The following NRG1 variants were observed in gnomAD, a reference collection of about 807,000 sequenced individuals.
NRG1 encodes neuregulin 1.
In NRG1, 18 loss-of-function variants were observed where a neutral mutation model predicts 63.8. The ratio of observed to expected loss-of-function variants is 0.28; its 90% confidence interval spans 0.19 to 0.42. The LOEUF (loss-of-function observed/expected upper bound fraction) is 0.42. Among genes scored for constraint, NRG1 ranks in the 10% least tolerant of loss-of-function variants. The probability of loss-of-function intolerance (pLI) is 1.00; values close to 1 mark genes in which losing one functional copy is unlikely to be tolerated. For missense variants in NRG1, 762 were observed against 814.7 expected (o/e 0.94, Z 0.79); for synonymous variants, 302 against 301.3 (o/e 1.00, Z -0.02).
chr8:32,036,195 A>G (rs1819030224), intron 1 of NRG1, among the ~76,000 whole-genome samples: 1 of 152,150 alleles, frequency 6.6e-6, no homozygotes, highest in Non-Finnish European at 1.5e-5. Flanking sequence ...TATGAAGCTT[A>G]GTTTGACCAG....
At chr8:32,541,255 G>A (rs1364542113) in intron 1 of NRG1, among the ~76,000 whole-genome samples, 1 of 152,050 alleles carries the variant, frequency 6.6e-6, no homozygotes, top group Non-Finnish European at 1.5e-5. Flanking sequence ...AACATGAGGA[G>A]GAACTGAAGA....
chr8:32,772,905 G>C (rs1831901142), downstream of NRG1, among the ~76,000 whole-genome samples: 1 of 152,062 alleles, frequency 6.6e-6, no homozygotes, highest in Non-Finnish European at 1.5e-5. Flanking sequence ...AGATGATTCT[G>C]CCCTCACTCA....
chr8:31,986,993 C>T (rs1463736941), intron 1 of NRG1, among the ~76,000 whole-genome samples: 1 of 151,992 alleles, frequency 6.6e-6, no homozygotes, highest in African/African-American at 2.4e-5. Context: ...TAAAATAAGT[C>T]TGGCAGTTAA....
At chr8:32,521,734 TAAAGA>T (rs1174638419) in intron 1 of NRG1, among the ~76,000 whole-genome samples, 1 of 152,154 alleles carries the variant, frequency 6.6e-6, no homozygotes. Context: ...TAGCTATTCT[TAAAGA>T]AAGAGAAAAA....
chr8:32,754,480 C>A lies in NRG1; in HGVS notation c.794+6C>A. The A allele has an allele frequency of 6.2e-7, 1 of 1,612,856 alleles. No individual in the cohort carries two copies. The highest frequency in any genetic ancestry group is 8.5e-7 in the Non-Finnish European group (1 of 1,179,264). ...GTGGCCTACTGCAAAACCAAGTAAA[C>A]CTTCTTTCTCCATGCCTTTCTCTCT... On this transcript the variant is annotated splice_donor_region_variant and intron_variant, in intron 8 of 11. Transcript: ENST00000356819.
chr8:31,790,393 A>G (rs1472868771), intron 1 of NRG1, among the ~76,000 whole-genome samples: 2 of 152,156 alleles, frequency 1.3e-5, no homozygotes, highest in Non-Finnish European at 2.9e-5. Context: ...ACCGTTTGGC[A>G]ATCCATCTCT....
intron 1 of NRG1, among the ~76,000 whole-genome samples, chr8:31,667,154 A>G (rs1806633314): frequency 6.6e-6 from 1 of 152,136 alleles, no homozygotes; most frequent in Admixed American, 6.6e-5. Flanking sequence ...GTTATTCTTA[A>G]TTCCCTGCAA....
At chr8:32,614,390 T>G (rs1446053790) in intron 3 of NRG1, 124 bp from the exon 4 acceptor site, 61 of 848,098 alleles carry the variant, frequency 7.2e-5, no homozygotes, top group Non-Finnish European at 4.4e-5. Flanking sequence ...AAGCCTGGAC[T>G]TTTCTCACTC....
At chr8:32,152,142 G>A (rs187962790) in intron 1 of NRG1, among the ~76,000 whole-genome samples, 1 of 152,338 alleles carries the variant, frequency 6.6e-6, no homozygotes, top group African/African-American at 2.4e-5. Flanking sequence ...TCCTTTAGGG[G>A]AAAGATTGCT....
intron 1 of NRG1, among the ~76,000 whole-genome samples, chr8:31,786,435 A>C (rs1464746087): frequency 6.6e-6 from 1 of 152,188 alleles, no homozygotes; most frequent in South Asian, 2.1e-4. Context: ...TCTGCAGCTG[A>C]CACTAGCTGG....
chr8:32,247,799 G>C (rs1848729094), intron 1 of NRG1, among the ~76,000 whole-genome samples: 1 of 152,056 alleles, frequency 6.6e-6, no homozygotes, highest in African/African-American at 2.4e-5. Flanking sequence ...CACAATATAG[G>C]AAGTTATTTT....
intron 1 of NRG1, among the ~76,000 whole-genome samples, chr8:32,573,932 T>G (rs189754164): frequency 0.012 from 1,753 of 152,268 alleles, 20 homozygotes; most frequent in Non-Finnish European, 0.019. Context: ...GATAGTTTGC[T>G]GAGAATGATG....
intron 5 of NRG1, among the ~76,000 whole-genome samples, chr8:32,635,950 T>C (rs997967644): frequency 1.3e-5 from 2 of 152,130 alleles, no homozygotes; most frequent in African/African-American, 4.8e-5. Context: ...TTGATGTCAG[T>C]CAGTAAACAG....
In NRG1 at chr8:32,002,247, C is replaced by T. The variant is rs10954817; in HGVS notation, c.37+362816C>T. Among the ~76,000 whole-genome samples the T allele has an allele frequency of 8.9e-3, 1,358 of 152,122 alleles. 64 individuals are homozygous for T. In the East Asian group the frequency reaches 0.14, roughly 16 times the overall value. On this transcript the variant is annotated intron_variant, in intron 1 of 10. Transcript: ENST00000519301. ...CCATATTGGCAAGGCTGGTCTCTAACTCCTGACCTCAAGTGATCCTCCCAC... is the reference window on the plus strand; with the variant it reads ...CCATATTGGCAAGGCTGGTCTCTAATTCCTGACCTCAAGTGATCCTCCCAC...
chr8:31,883,894 C>G (rs1830533708), intron 1 of NRG1, among the ~76,000 whole-genome samples: 1 of 152,076 alleles, frequency 6.6e-6, no homozygotes, highest in African/African-American at 2.4e-5. Context: ...TCTGTAACAT[C>G]TTAGCATCTT....
At chr8:32,157,794 T>C (rs1410224825) in intron 1 of NRG1, among the ~76,000 whole-genome samples, 1 of 151,718 alleles carries the variant, frequency 6.6e-6, no homozygotes, top group Non-Finnish European at 1.5e-5. Flanking sequence ...TGCTATAAAT[T>C]CAAATAAGAG....
chr8:31,656,697 G>A (rs1047235432), intron 1 of NRG1, among the ~76,000 whole-genome samples: 4 of 152,122 alleles, frequency 2.6e-5, no homozygotes, highest in Non-Finnish European at 5.9e-5. Context: ...AAGGTCACTC[G>A]TTTATGTGTT....
chr8:31,807,234 C>G (rs1822373542), intron 1 of NRG1, among the ~76,000 whole-genome samples: 1 of 152,228 alleles, frequency 6.6e-6, no homozygotes, highest in South Asian at 2.1e-4. Context: ...TGGCTACACT[C>G]TCAGCTTTGA....
chr8:31,713,337 C>T (rs1020118344), intron 1 of NRG1, among the ~76,000 whole-genome samples: 6 of 151,810 alleles, frequency 4.0e-5, no homozygotes, highest in Admixed American at 2.0e-4. Flanking sequence ...AGGATGGTCT[C>T]GATCTCCTGA....
Sources: allele counts gnomAD v4.1 joint callset (sites outside exome capture counted in the v4.1 genomes callset), GRCh38; gene constraint gnomAD v4.1.1; transcripts MANE v1.5; gene names NCBI Gene and HGNC (gene_info 2026-07-23, HGNC 2026-07-21).